Variants in ADGRB3 observed in about 807,000 individuals in gnomAD.
ADGRB3 encodes adhesion G protein-coupled receptor B3.
In ADGRB3, 37 loss-of-function variants were observed where a neutral mutation model predicts 193.4. The ratio of observed to expected loss-of-function variants is 0.19; its 90% CI spans 0.15 to 0.25. The LOEUF is 0.25. Among genes scored for constraint, ADGRB3 ranks in the 10% least tolerant of loss-of-function variants. The pLI is 1.00. For synonymous variants in ADGRB3, 690 were observed against 644.2 expected (o/e 1.07, Z -1.08); for missense variants, 1,637 against 1,852.9 (o/e 0.88, Z 2.14).
intron 3 of ADGRB3, among the ~76,000 whole-genome samples, chr6:68,784,140 A>G (rs774719457): frequency 8.6e-4 from 131 of 152,116 alleles, no homozygotes; most frequent in Non-Finnish European, 1.8e-3. Flanking sequence ...ATTTTCACAT[A>G]TGATACTCAA....
At chr6:68,744,374 A>G (rs1252763885) in intron 3 of ADGRB3, among the ~76,000 whole-genome samples, 1 of 152,178 alleles carries the variant, frequency 6.6e-6, no homozygotes, top group African/African-American at 2.4e-5. Flanking sequence ...TGACCCAGCA[A>G]TCCCATTACT....
chr6:68,797,815 C>G (rs1767239564), intron 3 of ADGRB3, among the ~76,000 whole-genome samples: 1 of 152,052 alleles, frequency 6.6e-6, no homozygotes, highest in African/African-American at 2.4e-5. Context: ...TTTCAAAAGT[C>G]ATGTGTGGTT....
At chr6:69,254,660 C>T (rs1250488215) in intron 20 of ADGRB3, among the ~76,000 whole-genome samples, 1 of 151,318 alleles carries the variant, frequency 6.6e-6, no homozygotes, top group African/African-American at 2.4e-5. Context: ...TTTCCTTATT[C>T]AATTAGAACT....
intron 3 of ADGRB3, among the ~76,000 whole-genome samples, chr6:68,837,544 C>T (rs995333566): frequency 2.0e-5 from 3 of 151,944 alleles, no homozygotes; most frequent in Non-Finnish European, 1.5e-5. Context: ...TCCTTTAAAG[C>T]AAAAGATTTT....
chr6:69,326,029 C>T (rs2127309859), intron 21 of ADGRB3, among the ~76,000 whole-genome samples: 1 of 152,234 alleles, frequency 6.6e-6, no homozygotes, highest in East Asian at 1.9e-4. Flanking sequence ...ACTACCTGAG[C>T]ACGGGAGTTC....
At chr6:69,056,905 A>G (rs1335817949) in intron 15 of ADGRB3, among the ~76,000 whole-genome samples, 3 of 152,140 alleles carry the variant, frequency 2.0e-5, no homozygotes, top group Non-Finnish European at 2.9e-5. Context: ...AGACTGCTCC[A>G]GCTGTCAAGA....
At chr6:68,773,097 A>G (rs375134494) in intron 3 of ADGRB3, among the ~76,000 whole-genome samples, 1 of 151,672 alleles carries the variant, frequency 6.6e-6, no homozygotes, top group Non-Finnish European at 1.5e-5. Flanking sequence ...GCCTGGAAAC[A>G]GAGTGAGGAT....
At chr6:68,671,783 A>G (rs1346856202) in intron 3 of ADGRB3, among the ~76,000 whole-genome samples, 1 of 152,030 alleles carries the variant, frequency 6.6e-6, no homozygotes, top group Admixed American at 6.6e-5. Context: ...GCCACATAGA[A>G]TAAGTTTGAA....
At chr6:69,091,982 T>A (rs1164465717) in intron 17 of ADGRB3, among the ~76,000 whole-genome samples, 2 of 152,196 alleles carry the variant, frequency 1.3e-5, no homozygotes, top group African/African-American at 4.8e-5. Flanking sequence ...TGTTTCTCTA[T>A]AAGCAGTCTG....
chr6:68,752,384 C>T (rs1766216380), intron 3 of ADGRB3, among the ~76,000 whole-genome samples: 1 of 150,200 alleles, frequency 6.7e-6, no homozygotes, highest in Admixed American at 6.7e-5. Context: ...TCCAGCGATT[C>T]TTCTGCCTCG....
intron 17 of ADGRB3, among the ~76,000 whole-genome samples, chr6:69,191,587 T>G (rs1328942996): frequency 6.6e-6 from 1 of 152,146 alleles, no homozygotes; most frequent in Admixed American, 6.6e-5. Context: ...TTGTGCTTAT[T>G]ATGGAATATA....
At chr6:68,966,454 A>G (rs17477820) in intron 8 of ADGRB3, among the ~76,000 whole-genome samples, 7,768 of 152,068 alleles carry the variant, frequency 0.051, 273 homozygotes, top group Middle Eastern at 0.16. Context: ...CTTATCCCCA[A>G]CTTTACACTT....
intron 20 of ADGRB3, among the ~76,000 whole-genome samples, chr6:69,291,915 T>A (rs923485329): frequency 6.6e-6 from 1 of 152,180 alleles, no homozygotes; most frequent in Non-Finnish European, 1.5e-5. Context: ...AAGACCCTCA[T>A]GTGAGAGGTG....
Position 69,076,026 on chromosome 6 carries a change from A to T in ADGRB3, c.2468A>T (p.Asp823Val). 6.2e-7 allele frequency: 1 copy of T among 1,611,884 alleles called. No homozygotes were observed. The highest frequency in any genetic ancestry group is 8.5e-7 in the Non-Finnish European group (1 of 1,178,934). The change falls in exon 17 of 32, where the codon GAT becomes GTT. Residue 823 changes from aspartate (D) to valine (V), a missense_variant. Asp to Val is a radical substitution (Grantham distance 152). Coordinates refer to ENST00000370598, the MANE Select transcript of ADGRB3 (RefSeq NM_001704.3). ...GTLNPYCVLW[D>V]DSKTNESLGT... ...TTGAATCCCTATTGTGTATTGTGGG[A>T]TGACTCCAAAACGTAAGTGACAGAT...
At chr6:68,907,961 G>A (rs1766594856) in intron 3 of ADGRB3, among the ~76,000 whole-genome samples, 1 of 151,576 alleles carries the variant, frequency 6.6e-6, no homozygotes, top group African/African-American at 2.4e-5. Flanking sequence ...TTTGTATATA[G>A]TTCTTTAATA....
At chr6:69,014,340 A>G (rs1176924044) in intron 12 of ADGRB3, among the ~76,000 whole-genome samples, 1 of 152,046 alleles carries the variant, frequency 6.6e-6, no homozygotes, top group African/African-American at 2.4e-5. Context: ...TTAAGGATTT[A>G]ATGTGTAATA....
intron 20 of ADGRB3, among the ~76,000 whole-genome samples, chr6:69,308,350 T>A (rs1458522406): frequency 6.6e-6 from 1 of 151,448 alleles, no homozygotes; most frequent in Non-Finnish European, 1.5e-5. Flanking sequence ...CCACCACAGT[T>A]TACAAATATC....
rs575120485 is a variant in ADGRB3 at position 69,290,380 on chromosome 6, A to G, written c.2815-34492A>G. On this transcript the variant is annotated intron_variant, in intron 20 of 31. Transcript: ENST00000370598. ...TGGTAGATCTAAAATAATTGGTAGC[A>G]GGAGCTGGTCTCAGAGTTGGCAAAA... Among the ~76,000 whole-genome samples, 69 of 152,204 alleles carry G rather than the reference A, an allele frequency of 4.5e-4. 1 individual carries two copies. Among genetic ancestry groups the G allele is most frequent in the African/African-American group, 1.5e-3 (64 of 41,540 alleles).
intron 3 of ADGRB3, among the ~76,000 whole-genome samples, chr6:68,817,303 CCATGTATATATATATA>C (rs1267519154): frequency 1.5e-4 from 5 of 32,726 alleles, no homozygotes; most frequent in Non-Finnish European, 2.2e-4. Flanking sequence ...TCCCTTTTGT[CCATGTATATATATATA>C]TATATATATA....
Sources: gnomAD v4.1 joint callset for allele counts (sites outside exome capture counted in the v4.1 genomes callset) on GRCh38, gnomAD v4.1.1 for gene constraint, MANE v1.5 for transcripts, NCBI Gene and HGNC (gene_info 2026-07-23, HGNC 2026-07-21) for gene names.